The following MYO3A variants were observed in gnomAD, a reference collection of about 807,000 sequenced individuals.
MYO3A encodes myosin-IIIa.
In MYO3A, 180 loss-of-function variants were observed where a neutral mutation model predicts 192.7. The ratio of observed to expected loss-of-function variants is 0.93; its 90% CI spans 0.83 to 1.06. The LOEUF (loss-of-function observed/expected upper bound fraction) is 1.06. Among genes scored for constraint, MYO3A ranks in the 50% least tolerant of loss-of-function variants. MYO3A has a pLI of 0.00. For missense variants in MYO3A, 1,896 were observed against 1,905.0 expected (o/e 1.00, Z 0.09); for synonymous variants, 628 against 645.3 (o/e 0.97, Z 0.41).
Position 26,021,684 on chromosome 10 carries a change from C to T in MYO3A, c.731+36C>T, listed in dbSNP as rs776141797. 6.8e-6 allele frequency: 11 copies of T among 1,611,906 alleles called. No individual in the cohort carries two copies. The South Asian group carries it at 1.2e-4, about 18-fold the overall frequency. Reference sequence around the variant, plus strand: ...TAACATTGGGTCCAGTATCTGCAGCCCGATTTACTTCCTCCAGCCACCAAG... The same window carrying T: ...TAACATTGGGTCCAGTATCTGCAGCTCGATTTACTTCCTCCAGCCACCAAG... On this transcript the variant is annotated intron_variant, in intron 8 of 34. Coordinates refer to ENST00000642920, the MANE Select transcript of MYO3A (RefSeq NM_017433.5).
At chr10:26,057,825 T>G (rs140987509) in intron 10 of MYO3A, among the ~76,000 whole-genome samples, 18 of 152,310 alleles carry the variant, frequency 1.2e-4, no homozygotes, top group African/African-American at 4.1e-4. Context: ...TAAAATCAAC[T>G]TTATTTTTAA....
At chr10:26,207,091 C>T (rs1843998290) in intron 34 of MYO3A, among the ~76,000 whole-genome samples, 1 of 149,282 alleles carries the variant, frequency 6.7e-6, no homozygotes, top group African/African-American at 2.5e-5. Flanking sequence ...TAAGTTGTAT[C>T]AGTTTCCTTA....
Position 26,168,855 on chromosome 10 carries a change from C to G in MYO3A, c.3255C>G (p.Ser1085Arg). Residue 1085 changes from serine (S) to arginine (R), a missense_variant, in exon 28 of 35, where the codon AGC becomes AGG. Ser to Arg is a moderately radical substitution (Grantham distance 110). Coordinates refer to ENST00000642920, the MANE Select transcript of MYO3A (RefSeq NM_017433.5). ...YQKIQEKRKE[S>R]AIIIQSAARG... is the part of the protein sequence containing the mutation. The stretch of plus-strand genomic sequence containing the variant: ...AAATACAGGAGAAAAGGAAAGAAAG[C>G]GCTATAATAATACAGTCAGGTAATC... 1 of 1,610,954 alleles carries G rather than the reference C, an allele frequency of 6.2e-7. No individual in the cohort carries two copies. Among genetic ancestry groups the G allele is most frequent in the East Asian group, 2.2e-5 (1 of 44,786 alleles).
Position 25,968,785 on chromosome 10 carries a change from A to T in MYO3A, c.303+13777A>T, listed in dbSNP as rs185789769. ...TTTCTGATTAGCATGATGAAATATC[A>T]TGTGGTCCTGCTCCATCCCACCCAG... On this transcript the variant is annotated intron_variant, in intron 4 of 34. Coordinates refer to ENST00000642920, the MANE Select transcript of MYO3A (RefSeq NM_017433.5). 1.8e-4 allele frequency among the ~76,000 whole-genome samples: 28 copies of T among 152,358 alleles called. No individual in the cohort carries two copies. In the East Asian group the frequency reaches 5.0e-3, roughly 27 times the overall value.
chr10:26,117,094 C>A (rs1838554144), intron 17 of MYO3A, among the ~76,000 whole-genome samples: 1 of 152,152 alleles, frequency 6.6e-6, no homozygotes, highest in South Asian at 2.1e-4. Flanking sequence ...TACTCCTACT[C>A]AATTTTCATT....
At chr10:25,988,986 G>T (rs1448651748) in intron 4 of MYO3A, among the ~76,000 whole-genome samples, 2 of 133,610 alleles carry the variant, frequency 1.5e-5, no homozygotes, top group African/African-American at 2.9e-5. Context: ...ACAGCGTCTC[G>T]CTCTGTCGCC....
chr10:26,183,733 A>G (rs1842728015), intron 31 of MYO3A, among the ~76,000 whole-genome samples: 1 of 152,040 alleles, frequency 6.6e-6, no homozygotes, highest in African/African-American at 2.4e-5. Flanking sequence ...GCAGTTCAGA[A>G]TGGGGCTGGG....
At chr10:26,124,274 T>C (rs955187492) in intron 18 of MYO3A, among the ~76,000 whole-genome samples, 2 of 151,844 alleles carry the variant, frequency 1.3e-5, no homozygotes, top group East Asian at 3.9e-4. Context: ...AAGAAAATAG[T>C]ACAAAATATA....
chr10:26,037,508 T>C (rs949896), intron 10 of MYO3A, among the ~76,000 whole-genome samples: 44,596 of 152,104 alleles, frequency 0.29, 7,071 homozygotes, highest in South Asian at 0.43. Context: ...CAAATCTATT[T>C]TAATATATGG....
chr10:26,184,163 G>T (rs1017399041), intron 31 of MYO3A, among the ~76,000 whole-genome samples: 1 of 152,216 alleles, frequency 6.6e-6, no homozygotes, highest in African/African-American at 2.4e-5. Flanking sequence ...TCAGAACTGT[G>T]TGCAGCTCTC....
intron 6 of MYO3A, among the ~76,000 whole-genome samples, chr10:26,006,999 C>T (rs1184235114): frequency 0.031 from 4,195 of 135,300 alleles, 109 homozygotes; most frequent in African/African-American, 0.078. Flanking sequence ...ACTGGCAAAC[C>T]GAATCCAGCA....
intron 17 of MYO3A, among the ~76,000 whole-genome samples, chr10:26,117,632 T>C (rs975293168): frequency 2.6e-5 from 4 of 152,190 alleles, no homozygotes; most frequent in African/African-American, 4.8e-5. Context: ...CTAAGGATAA[T>C]GGCCTCCAGT....
At chr10:26,147,980 G>GT (rs1840573704) in intron 23 of MYO3A, among the ~76,000 whole-genome samples, 1 of 152,164 alleles carries the variant, frequency 6.6e-6, no homozygotes, top group African/African-American at 2.4e-5. Flanking sequence ...TGCATTTGCT[G>GT]TAAGTAGAAA....
chr10:26,148,293 T>A (rs1840594970), intron 23 of MYO3A, among the ~76,000 whole-genome samples: 2 of 152,176 alleles, frequency 1.3e-5, no homozygotes, highest in South Asian at 2.1e-4. Flanking sequence ...GCTTTGACAC[T>A]CCTTGAAAAA....
Position 26,091,845 on chromosome 10 carries a change from T to C in MYO3A, c.1562+3440T>C, listed in dbSNP as rs778390004. 5.3e-4 allele frequency among the ~76,000 whole-genome samples: 80 copies of C among 152,236 alleles called. 1 individual carries two copies. Among genetic ancestry groups the C allele is most frequent in the Non-Finnish European group, 8.7e-4 (59 of 68,040 alleles). ...GTCTGACTCCCAAGCCCACCATTCA[T>C]GCATCCATCCAGCCATCCGTCTATT... On this transcript the variant is annotated intron_variant, in intron 15 of 34. Coordinates refer to ENST00000642920, the MANE Select transcript of MYO3A (RefSeq NM_017433.5).
At chr10:26,047,786 T>TA (rs1379615628) in intron 10 of MYO3A, among the ~76,000 whole-genome samples, 1 of 151,500 alleles carries the variant, frequency 6.6e-6, no homozygotes, top group Non-Finnish European at 1.5e-5. Flanking sequence ...ATAAAAAAAT[T>TA]AAAAAAGAAA....
intron 15 of MYO3A, among the ~76,000 whole-genome samples, chr10:26,088,922 G>A (rs1020591533): frequency 6.6e-6 from 1 of 152,102 alleles, no homozygotes; most frequent in Non-Finnish European, 1.5e-5. Flanking sequence ...ATATTAAGTT[G>A]AATGAATTCC....
At chr10:26,032,675 T>C (rs961451525) in intron 10 of MYO3A, among the ~76,000 whole-genome samples, 1 of 152,004 alleles carries the variant, frequency 6.6e-6, no homozygotes, top group African/African-American at 2.4e-5. Flanking sequence ...AGCTGTCAAT[T>C]CCTTATTAGG....
At chr10:26,052,041 C>T (rs1844035280) in intron 10 of MYO3A, among the ~76,000 whole-genome samples, 1 of 152,158 alleles carries the variant, frequency 6.6e-6, no homozygotes, top group Admixed American at 6.5e-5. Flanking sequence ...TAGAGTATCA[C>T]ATAGGAATAT....
Sources: gnomAD v4.1 joint callset for allele counts (sites outside exome capture counted in the v4.1 genomes callset) on GRCh38, gnomAD v4.1.1 for gene constraint, MANE v1.5 for transcripts, NCBI Gene and HGNC (gene_info 2026-07-23, HGNC 2026-07-21) for gene names.